Variants in MAGI2 observed in about 807,000 individuals in gnomAD.
The protein encoded by MAGI2 is membrane associated guanylate kinase, WW and PDZ domain containing 2.
In MAGI2, 35 loss-of-function variants were observed where a neutral mutation model predicts 133.3. The ratio of observed to expected loss-of-function variants is 0.26; its 90% CI spans 0.20 to 0.35. The LOEUF is 0.35. Among genes scored for constraint, MAGI2 ranks in the 10% least tolerant of loss-of-function variants. The probability of loss-of-function intolerance (pLI) is 1.00; values close to 1 mark genes in which losing one functional copy is unlikely to be tolerated. For missense variants in MAGI2, 1,636 were observed against 1,863.4 expected, an observed-to-expected ratio of 0.88 and a Z score of 2.25; for synonymous variants, 729 against 710.6, an observed-to-expected ratio of 1.03 and a Z score of -0.41.
chr7:78,543,767 G>C (rs938206128), intron 3 of MAGI2, among the ~76,000 whole-genome samples: 1 of 152,174 alleles, frequency 6.6e-6, no homozygotes, highest in Non-Finnish European at 1.5e-5. Flanking sequence ...GCTCGGAAAA[G>C]AAATCCAATG....
At chr7:79,031,540 A>G (rs1810574638) in intron 1 of MAGI2, among the ~76,000 whole-genome samples, 1 of 152,178 alleles carries the variant, frequency 6.6e-6, no homozygotes, top group Admixed American at 6.6e-5. Context: ...TTATATTGAG[A>G]GCTCAATCTG....
intron 2 of MAGI2, among the ~76,000 whole-genome samples, chr7:78,983,940 G>A (rs1050580836): frequency 2.0e-5 from 3 of 151,778 alleles, no homozygotes; most frequent in Non-Finnish European, 4.4e-5. Context: ...ACTCTAAACT[G>A]AACTCCAGAT....
rs1199539156 is a variant in MAGI2, at chr7:78,386,838, T to C, written c.1046-17625A>G. Among the ~76,000 whole-genome samples, 3 of 152,166 alleles carry C rather than the reference T, an allele frequency of 2.0e-5. No individual in the cohort carries two copies. The South Asian group carries it at 6.2e-4, about 32-fold the overall frequency. On this transcript the variant is annotated intron_variant, in intron 6 of 21. Transcript: ENST00000354212. ...GGAGAGCTTTAGAGGGCCCCAGGCT[T>C]TAATATATGGAATCACATAATTTTG...
chr7:79,011,395 C>T (rs1458677542), intron 1 of MAGI2, among the ~76,000 whole-genome samples: 3 of 152,080 alleles, frequency 2.0e-5, no homozygotes, highest in Admixed American at 2.0e-4. Context: ...TAGCAAATGC[C>T]ACTCTTTCAA....
rs1333754233 is a variant in MAGI2 at position 78,161,683 on chromosome 7, AAAAAG to A, written c.2597-1415_2597-1411del. Among the ~76,000 whole-genome samples the A allele has an allele frequency of 8.9e-5, 13 of 146,084 alleles. 1 individual carries two copies. Among genetic ancestry groups the A allele is most frequent in the East Asian group, 2.2e-4 (1 of 4,530 alleles). On this transcript the variant is annotated intron_variant, in intron 15 of 21. Coordinates refer to ENST00000354212, the MANE Select transcript of MAGI2 (RefSeq NM_012301.4). ...ATCGATACCTAAAAAAAAAAAAAAA[AAAAAG>A]AAAAAAAAAAAGCTGTATTTGTTTA... is the stretch of plus-strand genomic sequence containing the variant.
intron 6 of MAGI2, among the ~76,000 whole-genome samples, chr7:78,438,076 C>T (rs758301693): frequency 6.6e-6 from 1 of 152,060 alleles, no homozygotes; most frequent in Non-Finnish European, 1.5e-5. Context: ...TGGCAGTGTA[C>T]ACATGGTGCT....
At chr7:78,335,315 A>G (rs1789645022) in intron 9 of MAGI2, among the ~76,000 whole-genome samples, 1 of 152,202 alleles carries the variant, frequency 6.6e-6, no homozygotes, top group African/African-American at 2.4e-5. Context: ...GCCTGCATGC[A>G]GAACTCCCAC....
intron 3 of MAGI2, among the ~76,000 whole-genome samples, chr7:78,599,230 A>G (rs1298113096): frequency 6.6e-6 from 1 of 152,110 alleles, no homozygotes; most frequent in Non-Finnish European, 1.5e-5. Flanking sequence ...CTACCTTTTC[A>G]TTACCCAGTT....
At chr7:79,310,910 T>C (rs2129560626) in intron 1 of MAGI2, among the ~76,000 whole-genome samples, 1 of 150,150 alleles carries the variant, frequency 6.7e-6, no homozygotes, top group Admixed American at 6.8e-5. Context: ...CATTAAGAAG[T>C]ATTCCCATAT....
intron 1 of MAGI2, among the ~76,000 whole-genome samples, chr7:79,085,676 C>G (rs1402871471): frequency 6.6e-6 from 1 of 151,914 alleles, no homozygotes; most frequent in Non-Finnish European, 1.5e-5. Context: ...CATTGAGTAT[C>G]TTTCCTGGAC....
At chr7:79,381,186 C>T (rs918497464) in intron 1 of MAGI2, among the ~76,000 whole-genome samples, 1 of 151,650 alleles carries the variant, frequency 6.6e-6, no homozygotes, top group African/African-American at 2.4e-5. Context: ...TGCATCTCTG[C>T]ATCTCCTTTT....
rs998171962 is a variant in MAGI2, at chr7:79,306,028, G to A, written c.301+146992C>T. Among the ~76,000 whole-genome samples, 37 of 150,026 alleles carry A rather than the reference G, an allele frequency of 2.5e-4. 1 individual carries two copies. Among genetic ancestry groups the A allele is most frequent in the South Asian group, 2.1e-4 (1 of 4,720 alleles). On this transcript the variant is annotated intron_variant, in intron 1 of 21. Transcript: ENST00000354212. ...TCCTTTTTGGAGACGAGGCAGGGTG[G>A]GGGTGTCTTCCTCTGTTGCCCAGGT...
intron 6 of MAGI2, among the ~76,000 whole-genome samples, chr7:78,439,948 A>T (rs2151454447): frequency 6.6e-6 from 1 of 152,228 alleles, no homozygotes; most frequent in African/African-American, 2.4e-5. Flanking sequence ...GTGCCACAAG[A>T]GAATATTTTG....
intron 11 of MAGI2, among the ~76,000 whole-genome samples, chr7:78,196,742 G>T (rs1228184900): frequency 1.3e-5 from 2 of 152,174 alleles, no homozygotes; most frequent in African/African-American, 4.8e-5. Flanking sequence ...AAAAGAAATG[G>T]GTCACTGACC....
intron 1 of MAGI2, among the ~76,000 whole-genome samples, chr7:79,213,349 C>CAT (rs535971891): frequency 2.3e-4 from 33 of 145,252 alleles, no homozygotes; most frequent in Admixed American, 1.9e-3. Flanking sequence ...CACACACACA[C>CAT]ATATATTTTT....
chr7:78,631,215 T>C (rs1808959856), intron 2 of MAGI2, among the ~76,000 whole-genome samples: 1 of 152,184 alleles, frequency 6.6e-6, no homozygotes, highest in South Asian at 2.1e-4. Context: ...CCACCACCAT[T>C]CTTCTAGTTG....
intron 2 of MAGI2, among the ~76,000 whole-genome samples, chr7:78,868,193 A>G (rs1035463529): frequency 6.6e-6 from 1 of 150,542 alleles, no homozygotes; most frequent in African/African-American, 2.5e-5. Flanking sequence ...AAAATGGCAT[A>G]CTTAATTAAG....
chr7:78,276,901 G>C (rs970751496), intron 9 of MAGI2, among the ~76,000 whole-genome samples: 2 of 152,056 alleles, frequency 1.3e-5, no homozygotes, highest in African/African-American at 4.8e-5. Context: ...AGGGGCTAGA[G>C]ATACAAATTT....
chr7:79,036,242 C>A (rs532167106), intron 1 of MAGI2, among the ~76,000 whole-genome samples: 1 of 152,272 alleles, frequency 6.6e-6, no homozygotes, highest in Non-Finnish European at 1.5e-5. Context: ...TAAGCAAAGC[C>A]AGCAAGTATC....
Sources: allele counts gnomAD v4.1 joint callset (sites outside exome capture counted in the v4.1 genomes callset), GRCh38; gene constraint gnomAD v4.1.1; transcripts MANE v1.5; gene names NCBI Gene and HGNC (gene_info 2026-07-23, HGNC 2026-07-21).